CNTN4: variants seen among roughly 807,000 people sequenced by gnomAD.
CNTN4 encodes the protein contactin 4.
In CNTN4, 77 loss-of-function variants were observed where a neutral mutation model predicts 122.5. The ratio of observed to expected loss-of-function variants is 0.63; its 90% CI spans 0.52 to 0.76. The LOEUF is 0.76. Ranked by LOEUF, CNTN4 falls within the 30% of genes least tolerant of loss-of-function variation. The probability of loss-of-function intolerance (pLI) is 0.00; values close to 1 mark genes in which losing one functional copy is unlikely to be tolerated. For missense variants in CNTN4, 1,256 were observed against 1,259.1 expected (o/e 1.00, Z 0.04); for synonymous variants, 512 against 447.0 (o/e 1.15, Z -1.83).
At chr3:2,585,934 C>A (rs1237654900) in intron 4 of CNTN4, among the ~76,000 whole-genome samples, 1 of 149,814 alleles carries the variant, frequency 6.7e-6, no homozygotes, top group Admixed American at 6.6e-5. Flanking sequence ...AATGATGTAA[C>A]TAGAACCATG....
chr3:2,574,572 C>T (rs936895352), intron 4 of CNTN4, among the ~76,000 whole-genome samples: 3 of 152,002 alleles, frequency 2.0e-5, no homozygotes, highest in African/African-American at 7.3e-5. Context: ...TCAAATAAAC[C>T]AAAACTATTG....
At chr3:2,832,664 A>G (rs1191245351) in intron 7 of CNTN4, among the ~76,000 whole-genome samples, 1 of 152,194 alleles carries the variant, frequency 6.6e-6, no homozygotes, top group Non-Finnish European at 1.5e-5. Context: ...AGGGTGTTTC[A>G]GTTTACTGTG....
At chr3:2,382,398 A>G (rs999534231) in intron 3 of CNTN4, among the ~76,000 whole-genome samples, 3 of 151,310 alleles carry the variant, frequency 2.0e-5, no homozygotes, top group Non-Finnish European at 4.4e-5. Context: ...CTCATGATCC[A>G]CCCGCCTCGG....
chr3:2,931,381 G>T (rs1444905653), intron 13 of CNTN4, among the ~76,000 whole-genome samples: 1 of 152,168 alleles, frequency 6.6e-6, no homozygotes. Flanking sequence ...TGCCGCAGTA[G>T]TAAACAGAGA....
chr3:2,650,652 C>T (rs2083319562), intron 4 of CNTN4, among the ~76,000 whole-genome samples: 1 of 152,194 alleles, frequency 6.6e-6, no homozygotes, highest in Non-Finnish European at 1.5e-5. Context: ...CCTGATCAGT[C>T]AGCAGCCATC....
At chr3:2,631,382 T>G (rs2082421095) in intron 4 of CNTN4, among the ~76,000 whole-genome samples, 1 of 152,190 alleles carries the variant, frequency 6.6e-6, no homozygotes. Context: ...GATGTTCATA[T>G]GTAGTAGAAG....
chr3:2,699,086 C>T (rs557077569), intron 4 of CNTN4, among the ~76,000 whole-genome samples: 10 of 152,056 alleles, frequency 6.6e-5, no homozygotes, highest in Non-Finnish European at 1.5e-5. Flanking sequence ...TATTTTATTT[C>T]TAATTGGGAG....
intron 4 of CNTN4, among the ~76,000 whole-genome samples, chr3:2,658,965 GAC>G (rs67168398): frequency 0.28 from 38,911 of 139,184 alleles, 5,715 homozygotes; most frequent in Non-Finnish European, 0.36. Flanking sequence ...CACACAAACA[GAC>G]ACACACACAC....
At chr3:2,322,988 G>A (rs780446249) in intron 2 of CNTN4, among the ~76,000 whole-genome samples, 6 of 152,098 alleles carry the variant, frequency 3.9e-5, no homozygotes, top group Non-Finnish European at 7.4e-5. Context: ...GGGGGCTCTA[G>A]TTCATGTCTG....
chr3:2,426,866 T>C (rs919362078), intron 3 of CNTN4, among the ~76,000 whole-genome samples: 1 of 152,236 alleles, frequency 6.6e-6, no homozygotes, highest in Non-Finnish European at 1.5e-5. Context: ...ATAGAAGTGT[T>C]TGTAGTATTC....
chr3:2,157,349 G>C (rs1037729039), intron 2 of CNTN4, among the ~76,000 whole-genome samples: 2 of 152,108 alleles, frequency 1.3e-5, no homozygotes, highest in African/African-American at 4.8e-5. Flanking sequence ...AAATGAGACA[G>C]GTGGGGAAGT....
intron 2 of CNTN4, among the ~76,000 whole-genome samples, chr3:2,327,547 T>A (rs907182663): frequency 6.6e-6 from 1 of 152,212 alleles, no homozygotes; most frequent in East Asian, 1.9e-4. Flanking sequence ...TTATATTTTA[T>A]ATATGTTTTA....
chr3:2,349,634 T>C (rs2044532550), intron 3 of CNTN4, among the ~76,000 whole-genome samples: 1 of 152,184 alleles, frequency 6.6e-6, no homozygotes, highest in African/African-American at 2.4e-5. Flanking sequence ...GATACATTTG[T>C]TTGAACTTGT....
At chr3:2,266,719 A>G (rs1559394434) in intron 2 of CNTN4, among the ~76,000 whole-genome samples, 2 of 152,108 alleles carry the variant, frequency 1.3e-5, no homozygotes, top group South Asian at 2.1e-4. Flanking sequence ...CAGCATTGCT[A>G]TTCTCAGCAT....
At chr3:2,408,629 G>A (rs1311961319) in intron 3 of CNTN4, among the ~76,000 whole-genome samples, 1 of 152,154 alleles carries the variant, frequency 6.6e-6, no homozygotes, top group Non-Finnish European at 1.5e-5. Context: ...TTCTCTTCAA[G>A]TGAACCCTTG....
At position 2,799,872 on chromosome 3, in the gene CNTN4, C is replaced by T. The variant is rs553773690; in HGVS notation, c.359-19614C>T. On this transcript the variant is annotated intron_variant, in intron 6 of 24. Transcript: ENST00000418658. ...ATATGACAATCCATTTTTCCCAGCA[C>T]CATTTACTGAATAGGGTATGCTTTC... Among the ~76,000 whole-genome samples, 240 of 152,214 alleles carry T rather than the reference C, an allele frequency of 1.6e-3. 1 individual carries two copies. Among genetic ancestry groups the T allele is most frequent in the Non-Finnish European group, 2.5e-3 (169 of 68,020 alleles).
At chr3:2,119,486 A>T (rs1034753501) in intron 2 of CNTN4, among the ~76,000 whole-genome samples, 3 of 152,216 alleles carry the variant, frequency 2.0e-5, no homozygotes, top group African/African-American at 7.2e-5. Context: ...TTAGTGATGG[A>T]TCATACCAAA....
intron 14 of CNTN4, among the ~76,000 whole-genome samples, chr3:3,011,460 C>T (rs1697220682): frequency 6.6e-6 from 1 of 152,162 alleles, no homozygotes; most frequent in South Asian, 2.1e-4. Context: ...ATACAACAAG[C>T]ATGATAATCC....
intron 5 of CNTN4, among the ~76,000 whole-genome samples, chr3:2,737,081 G>A (rs2089165736): frequency 6.6e-6 from 1 of 151,942 alleles, no homozygotes; most frequent in African/African-American, 2.4e-5. Context: ...ACTGTGCCCA[G>A]CCATATTTTT....
Sources: gnomAD v4.1 joint callset for allele counts (sites outside exome capture counted in the v4.1 genomes callset) on GRCh38, gnomAD v4.1.1 for gene constraint, MANE v1.5 for transcripts, NCBI Gene and HGNC (gene_info 2026-07-23, HGNC 2026-07-21) for gene names.